The following NRG3 variants were observed in gnomAD, a reference collection of about 807,000 sequenced individuals.
NRG3 encodes neuregulin 3, also known as pro-neuregulin-3, membrane-bound isoform.
NRG3 carries 31 observed loss-of-function variants against 66.9 expected under a neutral mutation model. The observed-to-expected ratio is 0.46, with a 90% CI of 0.35 to 0.63. The LOEUF (loss-of-function observed/expected upper bound fraction) is 0.63. Ranked by LOEUF, NRG3 falls within the 20% of genes least tolerant of loss-of-function variation. NRG3 has a pLI of 0.00. For missense variants in NRG3, 910 were observed against 878.9 expected (o/e 1.04, Z -0.45); for synonymous variants, 393 against 359.4 (o/e 1.09, Z -1.06).
At chr10:82,070,062 A>T (rs1264650362) in intron 1 of NRG3, among the ~76,000 whole-genome samples, 1 of 152,210 alleles carries the variant, frequency 6.6e-6, no homozygotes, top group African/African-American at 2.4e-5. Context: ...CACATGCTTT[A>T]CATGTGTCAA....
Position 82,286,981 on chromosome 10 carries a change from G to C in NRG3, c.824-71758G>C, listed in dbSNP as rs551947550. ...AATCCTGATCTGGGACTCAGGGTGT[G>C]GCACCTAGGGAGCAAGTGAGAAGAG... On this transcript the variant is annotated intron_variant, in intron 1 of 8. Transcript: ENST00000372141. Among the ~76,000 whole-genome samples the C allele has an allele frequency of 2.6e-5, 4 of 152,292 alleles. No homozygotes were observed. In the East Asian group the frequency reaches 7.7e-4, roughly 29 times the overall value.
At chr10:82,218,800 T>C (rs1359609878) in intron 1 of NRG3, among the ~76,000 whole-genome samples, 1 of 152,122 alleles carries the variant, frequency 6.6e-6, no homozygotes, top group Non-Finnish European at 1.5e-5. Context: ...TTAATAAAAG[T>C]GTTTCCTGAG....
At chr10:82,442,494 G>A (rs530684730) in intron 2 of NRG3, among the ~76,000 whole-genome samples, 198 of 152,274 alleles carry the variant, frequency 1.3e-3, no homozygotes, top group African/African-American at 4.6e-3. Flanking sequence ...GATCCACGTG[G>A]AAGCATAACA....
intron 2 of NRG3, among the ~76,000 whole-genome samples, chr10:82,432,279 C>T (rs891149192): frequency 3.9e-5 from 6 of 152,036 alleles, no homozygotes; most frequent in African/African-American, 1.4e-4. Context: ...TCCTCTCAAA[C>T]AGTCTACCTT....
chr10:82,193,383 T>TC (rs915085392), intron 1 of NRG3, among the ~76,000 whole-genome samples: 42 of 152,162 alleles, frequency 2.8e-4, no homozygotes, highest in African/African-American at 9.4e-4. Flanking sequence ...CCTCAAGTAA[T>TC]CCCCCTGCCT....
At chr10:82,411,589 C>T (rs2088095625) in intron 2 of NRG3, among the ~76,000 whole-genome samples, 1 of 152,144 alleles carries the variant, frequency 6.6e-6, no homozygotes, top group African/African-American at 2.4e-5. Flanking sequence ...CCAGCCTAAT[C>T]TTTGGACTCT....
Position 82,975,963 on chromosome 10 carries a change from C to T in NRG3, c.1412+2048C>T, listed in dbSNP as rs187990338. Among the ~76,000 whole-genome samples, 116 of 152,110 alleles carry T rather than the reference C, an allele frequency of 7.6e-4. 1 individual carries two copies. The highest frequency in any genetic ancestry group is 6.4e-3 in the Admixed American group (98 of 15,280). ...AAGCCATTATTTCTAATGTTTAGTT[C>T]GAAAAAATCCCATCTGTTTAGAAAA... On this transcript the variant is annotated intron_variant, in intron 7 of 8. Transcript: ENST00000372141.
chr10:82,238,602 A>G (rs2076861162), intron 1 of NRG3, among the ~76,000 whole-genome samples: 1 of 151,508 alleles, frequency 6.6e-6, no homozygotes, highest in Non-Finnish European at 1.5e-5. Flanking sequence ...CCTTTTCCCC[A>G]TTCTCCATTC....
Position 82,869,869 on chromosome 10 carries a change from A to G in NRG3, c.1054+4432A>G, listed in dbSNP as rs183250709. On this transcript the variant is annotated intron_variant, in intron 4 of 8. Coordinates refer to ENST00000372141, the MANE Select transcript of NRG3 (RefSeq NM_001010848.4). ...GTGATCTGCCCGCCTCGGCCTCCCA[A>G]AGTGCTAGGATTACAGGCGTGAGCC... Among the ~76,000 whole-genome samples, 297 of 151,494 alleles carry G rather than the reference A, an allele frequency of 2.0e-3. 2 individuals carry two copies. The highest frequency in any genetic ancestry group is 6.9e-3 in the African/African-American group (286 of 41,206).
At chr10:82,187,026 CCATCA>C (rs2073849165) in intron 1 of NRG3, among the ~76,000 whole-genome samples, 1 of 152,134 alleles carries the variant, frequency 6.6e-6, no homozygotes, top group African/African-American at 2.4e-5. Flanking sequence ...CCAATCTAGG[CCATCA>C]CCCAAAAACT....
intron 2 of NRG3, among the ~76,000 whole-genome samples, chr10:82,649,775 G>A: frequency 6.6e-6 from 1 of 152,018 alleles, no homozygotes; most frequent in East Asian, 1.9e-4. Flanking sequence ...TTTAATGAGG[G>A]TAGGATGATC....
At position 82,034,308 on chromosome 10, in the gene NRG3, C is replaced by G. The variant is rs546573013; in HGVS notation, c.823+158145C>G. Reference sequence around the variant, plus strand: ...CACAAAATTGTGCTTCTTCCGAATCCTTATTTCAGATGATTCTTGTTTGAA... The same window carrying G: ...CACAAAATTGTGCTTCTTCCGAATCGTTATTTCAGATGATTCTTGTTTGAA... On this transcript the variant is annotated intron_variant, in intron 1 of 8. Transcript: ENST00000372141. 1.0e-4 allele frequency among the ~76,000 whole-genome samples: 15 copies of G among 148,252 alleles called. No individual in the cohort carries two copies. In the South Asian group the frequency reaches 3.1e-3, roughly 31 times the overall value.
At chr10:82,190,143 G>A (rs925783998) in intron 1 of NRG3, among the ~76,000 whole-genome samples, 2 of 152,108 alleles carry the variant, frequency 1.3e-5, no homozygotes, top group African/African-American at 4.8e-5. Context: ...TACTTTTATA[G>A]TGAAAAGGGG....
intron 2 of NRG3, among the ~76,000 whole-genome samples, chr10:82,681,803 C>A (rs2134125842): frequency 6.6e-6 from 1 of 152,282 alleles, no homozygotes; most frequent in East Asian, 1.9e-4. Context: ...CTGTAATAGG[C>A]ACAACATAAA....
chr10:82,232,356 A>C (rs2076523640), intron 1 of NRG3: 1 of 159,180 alleles, frequency 6.3e-6, no homozygotes, highest in Non-Finnish European at 1.4e-5. Flanking sequence ...CTTGGAACAA[A>C]AAATAGTGGA....
intron 2 of NRG3, among the ~76,000 whole-genome samples, chr10:82,449,282 G>T (rs1448593724): frequency 6.6e-6 from 1 of 152,194 alleles, no homozygotes; most frequent in Non-Finnish European, 1.5e-5. Context: ...AACAAAGGAA[G>T]AATGTCTAGT....
chr10:82,434,289 C>T (rs1407661241), intron 2 of NRG3, among the ~76,000 whole-genome samples: 3 of 152,062 alleles, frequency 2.0e-5, no homozygotes, highest in African/African-American at 7.2e-5. Context: ...GATTTTTGCA[C>T]ATTGATTTTG....
At chr10:82,187,238 A>T (rs1003574703) in intron 1 of NRG3, among the ~76,000 whole-genome samples, 3 of 152,178 alleles carry the variant, frequency 2.0e-5, no homozygotes, top group African/African-American at 7.2e-5. Flanking sequence ...CCGCCAACAG[A>T]GATGGCAACA....
rs117649087 is a variant in NRG3, at chr10:81,956,340, G to A, written c.823+80177G>A. 2.4e-4 allele frequency among the ~76,000 whole-genome samples: 36 copies of A among 152,280 alleles called. No homozygotes were observed. In the East Asian group the frequency reaches 6.2e-3, roughly 26 times the overall value. On this transcript the variant is annotated intron_variant, in intron 1 of 8. Coordinates refer to ENST00000372141, the MANE Select transcript of NRG3 (RefSeq NM_001010848.4). ...AAAGGCCAACTCAGAGGGACAGTGA[G>A]TTCCAGGCTGAAGCCAGCATCACTT...
Sources: allele counts gnomAD v4.1 joint callset (sites outside exome capture counted in the v4.1 genomes callset), GRCh38; gene constraint gnomAD v4.1.1; transcripts MANE v1.5; gene names NCBI Gene and HGNC (gene_info 2026-07-23, HGNC 2026-07-21).